IL1RN: variants seen among roughly 807,000 people sequenced by gnomAD.
IL1RN encodes the protein interleukin 1 receptor antagonist.
A neutral mutation model predicts 13.7 loss-of-function variants in IL1RN; 10 were observed. The ratio of observed to expected loss-of-function variants is 0.73; its 90% CI spans 0.45 to 1.24. The LOEUF (loss-of-function observed/expected upper bound fraction) is 1.24. IL1RN is among the 50% of genes most tolerant of loss of function. The pLI is 0.00. For synonymous variants in IL1RN, 102 were observed against 82.7 expected, an observed-to-expected ratio of 1.23 and a Z score of -1.27; for missense variants, 213 against 222.1, an observed-to-expected ratio of 0.96 and a Z score of 0.26.
upstream of IL1RN, among the ~76,000 whole-genome samples, chr2:113,108,445 T>G (rs980338419): frequency 1.4e-5 from 2 of 144,696 alleles, no homozygotes; most frequent in Admixed American, 6.9e-5. Flanking sequence ...GTGTGCGATG[T>G]TCCCCTTCCC....
chr2:113,125,750 G>A (rs1192721982), upstream of IL1RN, among the ~76,000 whole-genome samples: 5 of 152,316 alleles, frequency 3.3e-5, no homozygotes, highest in Non-Finnish European at 7.4e-5. Flanking sequence ...CTGTATTCCT[G>A]TGCTGCCCTC....
chr2:113,131,089 G>A lies in IL1RN; in HGVS notation c.250G>A (p.Gly84Arg), dbSNP rs1368461190. 1 of 1,613,824 alleles carries A rather than the reference G, an allele frequency of 6.2e-7. No individual in the cohort carries two copies. Among genetic ancestry groups the A allele is most frequent in the Admixed American group, 1.7e-5 (1 of 60,020 alleles). The change falls in exon 3 of 4, where the codon GGA (glycine) becomes AGA (arginine). Residue 84 changes from glycine to arginine, a missense_variant. Physicochemically the swap from Gly to Arg is moderately radical, Grantham distance 125. Coordinates refer to ENST00000409930, the MANE Select transcript of IL1RN (RefSeq NM_173842.3). Reference protein sequence around the residue: ...VPIEPHALFLGIHGGKMCLSC... With the variant: ...VPIEPHALFLRIHGGKMCLSC... ...CATTGAGCCTCATGCTCTGTTCTTG[G>A]GAATCCATGGAGGGAAGATGTGCCT...
chr2:113,104,828 C>T (rs966930424), upstream of IL1RN, among the ~76,000 whole-genome samples: 6 of 152,110 alleles, frequency 3.9e-5, no homozygotes, highest in African/African-American at 7.2e-5. Flanking sequence ...GTAACTTGGG[C>T]AAGGTCATGT....
chr2:113,123,579 C>A (rs1187585532), upstream of IL1RN, among the ~76,000 whole-genome samples: 1 of 152,120 alleles, frequency 6.6e-6, no homozygotes, highest in Non-Finnish European at 1.5e-5. Context: ...GCAGCAGGAG[C>A]AAAAGTGAAC....
upstream of IL1RN, among the ~76,000 whole-genome samples, chr2:113,117,370 CTT>C (rs1467526891): frequency 6.6e-6 from 1 of 152,250 alleles, no homozygotes; most frequent in Non-Finnish European, 1.5e-5. Flanking sequence ...GGTCTCCACT[CTT>C]ATGTCACCCT....
chr2:113,110,667 A>G (rs1686479787), upstream of IL1RN, among the ~76,000 whole-genome samples: 1 of 152,320 alleles, frequency 6.6e-6, no homozygotes, highest in African/African-American at 2.4e-5. Context: ...AAAAGTTACC[A>G]CTACTCCTTC....
chr2:113,110,345 G>A (rs1434493309), upstream of IL1RN, among the ~76,000 whole-genome samples: 2 of 152,062 alleles, frequency 1.3e-5, no homozygotes, highest in Non-Finnish European at 1.5e-5. Context: ...TTTTTTCTGT[G>A]CTGTGGGCTT....
At chr2:113,130,882 T>A (rs940180843) in intron 2 of IL1RN, among the ~76,000 whole-genome samples, 163 bp from the exon 3 acceptor site, 4 of 152,202 alleles carry the variant, frequency 2.6e-5, no homozygotes, top group Non-Finnish European at 5.9e-5. Flanking sequence ...CTTGGTTTAA[T>A]CTTCTATTTA....
intron 3 of IL1RN, among the ~76,000 whole-genome samples, chr2:113,132,373 A>G (rs1228685910): frequency 2.6e-5 from 4 of 152,168 alleles, no homozygotes; most frequent in African/African-American, 9.6e-5. Context: ...GCTTGAACCC[A>G]GGAGGTGGAG....
chr2:113,128,337 G>A (rs1687038587), intron 1 of IL1RN, among the ~76,000 whole-genome samples: 1 of 152,248 alleles, frequency 6.6e-6, no homozygotes, highest in African/African-American at 2.4e-5. Context: ...CTATTGTAAA[G>A]ATGTGATGCT....
chr2:113,102,803 G>C (rs1309622310), upstream of IL1RN, among the ~76,000 whole-genome samples: 2 of 152,134 alleles, frequency 1.3e-5, no homozygotes, highest in East Asian at 3.9e-4. Flanking sequence ...GTTAAGGTGG[G>C]GCAGGAATAA....
chr2:113,124,270 G>A (rs1004381233), upstream of IL1RN, among the ~76,000 whole-genome samples: 6 of 152,162 alleles, frequency 3.9e-5, no homozygotes, highest in African/African-American at 1.2e-4. Flanking sequence ...ACCCAGAACC[G>A]AGAATAAGAT....
At chr2:113,099,568 G>A in the IL1RN span, among the ~76,000 whole-genome samples, 3 of 152,074 alleles carry the variant, frequency 2.0e-5, no homozygotes, top group Non-Finnish European at 4.4e-5. Flanking sequence ...CAAAGGGTCT[G>A]TGGACTTTCT....
At chr2:113,111,057 C>T (rs1686486502), upstream of IL1RN, 1 of 152,248 alleles carries the variant, frequency 6.6e-6, no homozygotes, top group African/African-American at 2.4e-5. Context: ...ACACTGCCAT[C>T]TGTTTGACCA....
upstream of IL1RN, among the ~76,000 whole-genome samples, chr2:113,102,267 A>C (rs1250607694): frequency 1.3e-5 from 2 of 152,188 alleles, no homozygotes; most frequent in African/African-American, 4.8e-5. Context: ...CTGTGCAGGC[A>C]CGGGGACAGT....
At chr2:113,132,580 T>A in intron 3 of IL1RN, 76 bp from the exon 4 acceptor site, 3 of 1,352,770 alleles carry the variant, frequency 2.2e-6, no homozygotes, top group Non-Finnish European at 3.2e-6. Flanking sequence ...GGCCATTTCA[T>A]GGCGTGGAGT....
At chr2:113,113,135 A>C (rs982811859), upstream of IL1RN, 11 of 152,248 alleles carry the variant, frequency 7.2e-5, no homozygotes, top group Admixed American at 3.3e-4. Flanking sequence ...TGGAGTTTGC[A>C]ACACTGTTCA....
chr2:113,117,896 C>A (rs1573284007), upstream of IL1RN: 9 of 778,472 alleles, frequency 1.2e-5, no homozygotes, highest in Non-Finnish European at 2.1e-5. Flanking sequence ...GAAGGAGGGG[C>A]AGCTCCACCC....
chr2:113,110,939 A>T (rs918807312), upstream of IL1RN, among the ~76,000 whole-genome samples: 2 of 152,210 alleles, frequency 1.3e-5, no homozygotes, highest in Non-Finnish European at 2.9e-5. Flanking sequence ...ATGCCTACCA[A>T]CTTCCCTGAT....
Sources: gnomAD v4.1 joint callset for allele counts (sites outside exome capture counted in the v4.1 genomes callset) on GRCh38, gnomAD v4.1.1 for gene constraint, MANE v1.5 for transcripts, NCBI Gene and HGNC (gene_info 2026-07-23, HGNC 2026-07-21) for gene names.